Variants in RIPK2 observed in about 807,000 individuals in gnomAD.
RIPK2 encodes receptor-interacting serine/threonine-protein kinase 2.
RIPK2 carries 38 observed loss-of-function variants against 60.9 expected under a neutral mutation model. The ratio of observed to expected loss-of-function variants is 0.62; its 90% CI spans 0.48 to 0.82. The LOEUF (loss-of-function observed/expected upper bound fraction) is 0.82, where lower values mean the gene tolerates loss of function less well. Ranked by LOEUF, RIPK2 falls within the 40% of genes least tolerant of loss-of-function variation. The pLI, the probability that RIPK2 is intolerant of heterozygous loss-of-function variation, is 0.00. For synonymous variants in RIPK2, 225 were observed against 223.4 expected, an observed-to-expected ratio of 1.01 and a Z score of -0.06; for missense variants, 518 against 647.0, an observed-to-expected ratio of 0.80 and a Z score of 2.16.
At chr8:89,767,338 C>A (rs917314697) in intron 3 of RIPK2, among the ~76,000 whole-genome samples, 5 of 151,406 alleles carry the variant, frequency 3.3e-5, no homozygotes, top group African/African-American at 1.2e-4. Context: ...AACATGTAAT[C>A]AGAAAATTAT....
chr8:89,781,614 T>C (rs16900581), intron 7 of RIPK2, among the ~76,000 whole-genome samples: 4,920 of 152,238 alleles, frequency 0.032, 183 homozygotes, highest in African/African-American at 0.09. Context: ...GTGATACTTA[T>C]AGGGCAAGAA....
In RIPK2 at chr8:89,772,362, G is replaced by A. The variant is rs189356503; in HGVS notation, c.692-305G>A. Among the ~76,000 whole-genome samples, 165 of 152,006 alleles carry A rather than the reference G, an allele frequency of 1.1e-3. 1 individual carries two copies. The highest frequency in any genetic ancestry group is 7.6e-3 in the Admixed American group (116 of 15,240). On this transcript the variant is annotated intron_variant, in intron 5 of 10. Transcript: ENST00000220751. ...TATTTCTCATTCACATTAAATATTGGTTGCTGTAGCCCTTCTTAGTTCTGC... is the reference window on the plus strand; with the variant it reads ...TATTTCTCATTCACATTAAATATTGATTGCTGTAGCCCTTCTTAGTTCTGC...
intron 6 of RIPK2, among the ~76,000 whole-genome samples, chr8:89,779,310 G>GT (rs55784154): frequency 0.31 from 24,187 of 77,218 alleles, 5,176 homozygotes; most frequent in South Asian, 0.52. Flanking sequence ...CGGTTTTTGG[G>GT]TTTTTTTTTT....
At position 89,758,106 on chromosome 8, in the gene RIPK2, C is replaced by T. The variant is rs138256567; in HGVS notation, c.46C>T (p.His16Tyr). The T allele has an allele frequency of 2.2e-4, 354 of 1,607,758 alleles. No homozygotes were observed. The African/African-American group carries it at 4.1e-3, about 19-fold the overall frequency. Residue 16 changes from histidine (H) to tyrosine (Y), a missense_variant, in exon 1 of 11, where the codon CAC (histidine) becomes TAC (tyrosine). His to Tyr is a moderately conservative substitution (Grantham distance 83). Around this residue, in one of 3 missense-constraint regions of RIPK2, gnomAD observed 448 missense variants for 534.7 expected, o/e 0.84. Transcript: ENST00000220751. Reference sequence around the variant, plus strand: ...CAGCGCCCTGCCCACCATTCCCTACCACAAACTCGCCGACCTGCGCTACCT... The same window carrying T: ...CAGCGCCCTGCCCACCATTCCCTACTACAAACTCGCCGACCTGCGCTACCT... The part of the protein sequence containing the change: ...ICSALPTIPY[H>Y]KLADLRYLSR...
intron 7 of RIPK2, 23 bp from the exon 8 acceptor site, chr8:89,784,026 TA>T: frequency 8.0e-7 from 1 of 1,242,486 alleles, no homozygotes; most frequent in South Asian, 1.3e-5. Flanking sequence ...TTAAAGTGTA[TA>T]TATATTTATG....
chr8:89,759,621 C>T (rs1809112209), intron 1 of RIPK2, among the ~76,000 whole-genome samples: 1 of 152,180 alleles, frequency 6.6e-6, no homozygotes, highest in Admixed American at 6.5e-5. Flanking sequence ...CTATCATAAT[C>T]CAGATTCAGT....
Position 89,790,199 on chromosome 8 carries a change from T to C in RIPK2, c.1406T>C (p.Ile469Thr). The change falls in exon 11 of 11, where the codon ATC (isoleucine) becomes ACC (threonine). Residue 469 changes from isoleucine (I) to threonine (T), a missense_variant. This residue lies in a region of RIPK2 where 29 missense variants were observed against 68.6 expected (regional missense o/e 0.42). Coordinates refer to ENST00000220751, the MANE Select transcript of RIPK2 (RefSeq NM_003821.6). Reference sequence around the variant, plus strand: ...GATGCCCTTCTGTCCAGGGACTTGATCATGAAAGAGGACTATGAACTTGTT... The same window carrying C: ...GATGCCCTTCTGTCCAGGGACTTGACCATGAAAGAGGACTATGAACTTGTT... ...SLDALLSRDLIMKEDYELVST... is the reference protein window; with the variant it reads ...SLDALLSRDLTMKEDYELVST... 6.2e-7 allele frequency: 1 copy of C among 1,614,060 alleles called. No individual in the cohort carries two copies. Among genetic ancestry groups the C allele is most frequent in the Non-Finnish European group, 8.5e-7 (1 of 1,179,986 alleles).
At position 89,789,375 on chromosome 8, in the gene RIPK2, G is replaced by A. The variant is rs1186159278; in HGVS notation, c.1178G>A (p.Ser393Asn). 17 of 1,613,966 alleles carry A rather than the reference G, an allele frequency of 1.1e-5. No homozygotes were observed. The highest frequency in any genetic ancestry group is 1.4e-5 in the Non-Finnish European group (17 of 1,179,970). ...MKLHHCPGNH[S>N]WDSTISGSQR... Reference sequence around the variant, plus strand: ...CTGCATCACTGTCCTGGAAATCACAGTTGGGATAGCACCATTTCTGGATCT... The same window carrying A: ...CTGCATCACTGTCCTGGAAATCACAATTGGGATAGCACCATTTCTGGATCT... Residue 393 changes from serine to asparagine, a missense_variant, in exon 10 of 11, where the codon AGT becomes AAT. Physicochemically the swap from Ser to Asn is conservative, Grantham distance 46. This residue lies in a region of RIPK2 where 448 missense variants were observed against 534.7 expected (regional missense o/e 0.84). Transcript: ENST00000220751.
intron 2 of RIPK2, 49 bp from the exon 3 acceptor site, chr8:89,765,292 G>A (rs1454735094): frequency 7.5e-7 from 1 of 1,336,570 alleles, no homozygotes; most frequent in South Asian, 1.2e-5. Flanking sequence ...GTGAAACATA[G>A]TGAAATTTGG....
intron 6 of RIPK2, among the ~76,000 whole-genome samples, chr8:89,777,637 C>T (rs1229725546): frequency 6.6e-6 from 1 of 151,770 alleles, no homozygotes; most frequent in Non-Finnish European, 1.5e-5. Context: ...TGTTGTCTGC[C>T]TTAGACATGT....
chr8:89,766,312 T>A (rs978948579), intron 3 of RIPK2, among the ~76,000 whole-genome samples: 2 of 151,806 alleles, frequency 1.3e-5, no homozygotes, highest in Non-Finnish European at 1.5e-5. Context: ...GGTTTATGAG[T>A]GAACATAAGT....
chr8:89,787,368 A>T (rs781206900), intron 9 of RIPK2, among the ~76,000 whole-genome samples: 6 of 152,218 alleles, frequency 3.9e-5, no homozygotes, highest in Non-Finnish European at 5.9e-5. Flanking sequence ...CTTGTGAGAG[A>T]AATGTCCTCA....
chr8:89,757,934 G>T lies in RIPK2; in HGVS notation c.-127G>T, dbSNP rs200631105. On this transcript the variant is annotated 5_prime_UTR_variant, in exon 1 of 11. Coordinates refer to ENST00000220751, the MANE Select transcript of RIPK2 (RefSeq NM_003821.6). ...GGGCGCCCTCGTGACCTAGTGTTGC[G>T]GGGCAAAAAGGGTCTTGCCGGCCTC... is the stretch of plus-strand genomic sequence containing the variant. 139 of 1,404,162 alleles carry T rather than the reference G, an allele frequency of 9.9e-5. No individual in the cohort carries two copies. The East Asian group carries it at 3.8e-3, about 38-fold the overall frequency. The allele number at this position is 1,404,162 out of a possible 1,614,324, so 87.0% of individuals were successfully genotyped here.
In RIPK2 at chr8:89,772,715, G is replaced by A; in HGVS notation, c.740G>A (p.Arg247Gln). 1 of 1,611,286 alleles carries A rather than the reference G, an allele frequency of 6.2e-7. No individual in the cohort carries two copies. The highest frequency in any genetic ancestry group is 8.5e-7 in the Non-Finnish European group (1 of 1,178,158). ...QIMYSVSQGHRPVINEESLPY... is the reference protein window; with the variant it reads ...QIMYSVSQGHQPVINEESLPY... ...ATGTATAGTGTGTCACAAGGACATC[G>A]ACCTGTTATTAATGAAGAAAGTTTG... Residue 247 changes from arginine to glutamine, a missense_variant, in exon 6 of 11, where the codon CGA becomes CAA. By Grantham distance (43) the Arg-to-Gln change is conservative (BLOSUM62 1). Transcript: ENST00000220751.
At chr8:89,783,965 T>C (rs2130582543) in intron 7 of RIPK2, 85 bp from the exon 8 acceptor site, 2 of 701,464 alleles carry the variant, frequency 2.9e-6, no homozygotes, top group Admixed American at 2.7e-5. Context: ...TACAAACATA[T>C]AAAATGTGTT....
At chr8:89,758,734 A>G (rs1364941438) in intron 1 of RIPK2, among the ~76,000 whole-genome samples, 1 of 152,198 alleles carries the variant, frequency 6.6e-6, no homozygotes, top group Non-Finnish European at 1.5e-5. Flanking sequence ...AGTGTGACCT[A>G]AGTGTAAAAT....
Position 89,765,348 on chromosome 8 carries a change from A to G in RIPK2, c.335A>G (p.Glu112Gly). The G allele has an allele frequency of 1.2e-6, 2 of 1,604,426 alleles. No individual in the cohort carries two copies. The highest frequency in any genetic ancestry group is 1.7e-6 in the Non-Finnish European group (2 of 1,174,988). ...TTTCACATATATATGAAGAAAACTG[A>G]ATATCCTGATGTTGCTTGGCCATTG... Reference protein sequence around the residue: ...SLNELLHRKTEYPDVAWPLRF... With the variant: ...SLNELLHRKTGYPDVAWPLRF... The change falls in exon 3 of 11, where the codon GAA (glutamate) becomes GGA (glycine). Residue 112 changes from glutamate to glycine, a missense_variant. Physicochemically the swap from Glu to Gly is moderately conservative, Grantham distance 98. Transcript: ENST00000220751.
chr8:89,758,874 G>A (rs1404670210), intron 1 of RIPK2, among the ~76,000 whole-genome samples: 1 of 152,124 alleles, frequency 6.6e-6, no homozygotes, highest in Non-Finnish European at 1.5e-5. Flanking sequence ...TTCATTTTAT[G>A]TGTTTCTTTT....
Position 89,780,122 on chromosome 8 carries a change from ACTTTTCTT to A in RIPK2, c.902_909del (p.Thr301ArgfsTer22). 1 of 1,574,634 alleles carries A rather than the reference ACTTTTCTT, an allele frequency of 6.4e-7. No individual in the cohort carries two copies. Among genetic ancestry groups the A allele is most frequent in the African/African-American group, 1.3e-5 (1 of 74,158 alleles). On this transcript the variant is annotated frameshift_variant, in exon 7 of 11. Transcript: ENST00000220751. LOFTEE classifies it high-confidence loss of function. ...AGTTTTGAGAACATTTGAAGAGATA[ACTTTTCTT>A]GAAGCTGTTATTCAGCTAAAGAAAA...
Sources: allele counts gnomAD v4.1 joint callset (sites outside exome capture counted in the v4.1 genomes callset), GRCh38; gene constraint gnomAD v4.1.1; regional missense constraint gnomAD v4.1.1; transcripts MANE v1.5; gene names NCBI Gene and HGNC (gene_info 2026-07-23, HGNC 2026-07-21).